Variants in LRMDA observed in about 807,000 individuals in gnomAD.
LRMDA encodes the protein leucine rich melanocyte differentiation associated.
In LRMDA, 18 loss-of-function variants were observed where a neutral mutation model predicts 29.8. The ratio of observed to expected loss-of-function variants is 0.60; its 90% CI spans 0.42 to 0.90. The LOEUF is 0.90. Ranked by LOEUF, LRMDA falls within the 40% of genes least tolerant of loss-of-function variation. The pLI is 0.00. For synonymous variants in LRMDA, 125 were observed against 109.4 expected, an observed-to-expected ratio of 1.14 and a Z score of -0.89; for missense variants, 273 against 273.9, an observed-to-expected ratio of 1.00 and a Z score of 0.02.
At chr10:75,452,100 G>T (rs1042593697) in intron 2 of LRMDA, among the ~76,000 whole-genome samples, 1 of 152,140 alleles carries the variant, frequency 6.6e-6, no homozygotes, top group African/African-American at 2.4e-5. Context: ...AGGAAGGGAC[G>T]GAGGAAAGAA....
At chr10:76,494,364 A>G (rs1842862552) in intron 6 of LRMDA, among the ~76,000 whole-genome samples, 1 of 149,710 alleles carries the variant, frequency 6.7e-6, no homozygotes, top group African/African-American at 2.5e-5. Flanking sequence ...ATGTTTTGTA[A>G]TTTAAAAAAA....
chr10:75,489,979 G>C (rs763580576), intron 2 of LRMDA, among the ~76,000 whole-genome samples: 3 of 152,150 alleles, frequency 2.0e-5, no homozygotes, highest in Non-Finnish European at 4.4e-5. Flanking sequence ...ATGGGATATT[G>C]ATAGAGGCAG....
chr10:76,476,866 A>T (rs576005120), intron 6 of LRMDA, among the ~76,000 whole-genome samples: 1 of 152,164 alleles, frequency 6.6e-6, no homozygotes, highest in Admixed American at 6.5e-5. Flanking sequence ...CATGCTAAAA[A>T]CTCTCAATAA....
intron 2 of LRMDA, among the ~76,000 whole-genome samples, chr10:75,533,264 T>G (rs543852658): frequency 3.9e-5 from 6 of 152,362 alleles, no homozygotes; most frequent in Non-Finnish European, 1.5e-5. Flanking sequence ...TATATTTAGA[T>G]ACCACTCTTT....
At chr10:76,177,434 T>C (rs1490828380) in intron 5 of LRMDA, among the ~76,000 whole-genome samples, 1 of 152,202 alleles carries the variant, frequency 6.6e-6, no homozygotes, top group Admixed American at 6.5e-5. Context: ...CTCTTCATTA[T>C]AGATTACTTA....
intron 5 of LRMDA, among the ~76,000 whole-genome samples, chr10:76,102,608 A>T (rs1306400953): frequency 1.3e-5 from 2 of 152,120 alleles, no homozygotes; most frequent in Non-Finnish European, 2.9e-5. Flanking sequence ...GTATAAATGT[A>T]CCATATTTGC....
At chr10:76,322,036 C>T (rs558662207) in intron 5 of LRMDA, among the ~76,000 whole-genome samples, 1 of 152,282 alleles carries the variant, frequency 6.6e-6, no homozygotes, top group African/African-American at 2.4e-5. Flanking sequence ...TGCTTATTCT[C>T]ATTTTAGGCA....
intron 2 of LRMDA, among the ~76,000 whole-genome samples, chr10:75,542,270 G>T (rs1413410949): frequency 6.6e-6 from 1 of 152,056 alleles, no homozygotes; most frequent in Non-Finnish European, 1.5e-5. Flanking sequence ...GAAGTCTTAA[G>T]CCTGAAACTT....
intron 2 of LRMDA, among the ~76,000 whole-genome samples, chr10:75,923,715 G>A (rs1203824683): frequency 6.6e-6 from 1 of 152,040 alleles, no homozygotes; most frequent in Non-Finnish European, 1.5e-5. Flanking sequence ...TTCTAAATAG[G>A]AGAAAATAAT....
intron 5 of LRMDA, among the ~76,000 whole-genome samples, chr10:76,074,974 C>T (rs181841661): frequency 1.1e-3 from 161 of 152,238 alleles, no homozygotes; most frequent in African/African-American, 3.7e-3. Context: ...GCCTTGAGTC[C>T]TTCCTGGGTT....
At chr10:75,673,013 T>C (rs1039689753) in intron 2 of LRMDA, among the ~76,000 whole-genome samples, 1 of 151,854 alleles carries the variant, frequency 6.6e-6, no homozygotes, top group African/African-American at 2.4e-5. Context: ...AGAAAGTGAA[T>C]GATGTCATCA....
chr10:76,044,857 G>T lies in LRMDA; in HGVS notation c.259-2307G>T, dbSNP rs989559093. Among the ~76,000 whole-genome samples, 4 of 152,360 alleles carry T rather than the reference G, an allele frequency of 2.6e-5. No individual in the cohort carries two copies. The East Asian group carries it at 5.8e-4, about 22-fold the overall frequency. Reference sequence around the variant, plus strand: ...GGATGTTGGTGAATTGAAGCCAACAGCAAATGAGTGTGCTCACAACTTTCT... The same window carrying T: ...GGATGTTGGTGAATTGAAGCCAACATCAAATGAGTGTGCTCACAACTTTCT... On this transcript the variant is annotated intron_variant, in intron 3 of 6. Coordinates refer to ENST00000611255, the MANE Select transcript of LRMDA (RefSeq NM_001305581.2).
chr10:75,819,835 A>G (rs533076458), intron 2 of LRMDA, among the ~76,000 whole-genome samples: 7 of 152,340 alleles, frequency 4.6e-5, no homozygotes, highest in African/African-American at 2.4e-5. Flanking sequence ...TAGTAGCCAT[A>G]TGTGACTATT....
At chr10:75,682,206 G>A (rs1228670368) in intron 2 of LRMDA, among the ~76,000 whole-genome samples, 1 of 152,196 alleles carries the variant, frequency 6.6e-6, no homozygotes, top group East Asian at 1.9e-4. Flanking sequence ...TACTCTAACT[G>A]TGAACGCTTT....
Position 75,846,289 on chromosome 10 carries a change from C to A in LRMDA, c.132-189719C>A, listed in dbSNP as rs79675720. Among the ~76,000 whole-genome samples the A allele has an allele frequency of 8.4e-4, 126 of 150,640 alleles. 1 individual carries two copies. Among genetic ancestry groups the A allele is most frequent in the African/African-American group, 3.0e-3 (122 of 40,952 alleles). On this transcript the variant is annotated intron_variant, in intron 2 of 6. Transcript: ENST00000611255. ...AGCTTAGTGAGTAAATTCATACCAA[C>A]CATTCAAAATAATTAAAGGGAAAGA...
chr10:75,763,347 C>T (rs867062508), intron 2 of LRMDA, among the ~76,000 whole-genome samples: 32 of 152,196 alleles, frequency 2.1e-4, no homozygotes, highest in Admixed American at 1.4e-3. Context: ...CAGGACTACC[C>T]TGAGAAAGAT....
chr10:76,060,727 T>C (rs1178065578), intron 5 of LRMDA, among the ~76,000 whole-genome samples: 1 of 152,214 alleles, frequency 6.6e-6, no homozygotes, highest in Non-Finnish European at 1.5e-5. Context: ...GGAATCGAAA[T>C]CCTTCCTTGC....
intron 5 of LRMDA, among the ~76,000 whole-genome samples, chr10:76,226,490 G>A (rs1349569460): frequency 6.6e-6 from 1 of 152,130 alleles, no homozygotes; most frequent in Non-Finnish European, 1.5e-5. Flanking sequence ...GGCTGAGGCA[G>A]GAGAATTGCT....
chr10:75,520,487 C>T (rs1845344025), intron 2 of LRMDA, among the ~76,000 whole-genome samples: 1 of 152,188 alleles, frequency 6.6e-6, no homozygotes, highest in Admixed American at 6.5e-5. Flanking sequence ...GAAGCTTGTG[C>T]CTGCCTCGTG....
Sources: allele counts gnomAD v4.1 joint callset (sites outside exome capture counted in the v4.1 genomes callset), GRCh38; gene constraint gnomAD v4.1.1; transcripts MANE v1.5; gene names NCBI Gene and HGNC (gene_info 2026-07-23, HGNC 2026-07-21).